The following CCDC90B variants were observed in gnomAD, a reference collection of about 807,000 sequenced individuals.
CCDC90B encodes coiled-coil domain containing 90B.
In CCDC90B, 24 loss-of-function variants were observed where a neutral mutation model predicts 37.0. The observed-to-expected ratio is 0.65, with a 90% confidence interval of 0.47 to 0.91. CCDC90B has a LOEUF of 0.91. Ranked by LOEUF, CCDC90B falls within the 40% of genes least tolerant of loss-of-function variation. The pLI, the probability that CCDC90B is intolerant of heterozygous loss-of-function variation, is 0.00. For synonymous variants in CCDC90B, 113 were observed against 101.1 expected (o/e 1.12, Z -0.71); for missense variants, 319 against 299.0 (o/e 1.07, Z -0.49).
intron 3 of CCDC90B, among the ~76,000 whole-genome samples, 192 bp downstream of exon 3, chr11:83,278,534 A>G (rs920133268): frequency 6.6e-6 from 1 of 152,262 alleles, no homozygotes; most frequent in African/African-American, 2.4e-5. Context: ...CTGTTACCAC[A>G]ATATTATTAC....
At position 83,260,221 on chromosome 11, in the gene CCDC90B, T is replaced by C. The variant is rs1339620985; in HGVS notation, c.*1690A>G. 1 of 152,190 alleles carries C rather than the reference T, an allele frequency of 6.6e-6. No individual in the cohort carries two copies. Among genetic ancestry groups the C allele is most frequent in the Non-Finnish European group, 1.5e-5 (1 of 68,036 alleles). 9.4% of individuals were successfully genotyped at this position (152,190 alleles called of 1,614,324 possible). A position where few individuals can be genotyped will look rare whatever the true frequency, so the allele number is the denominator to read the frequency against. On this transcript the variant is annotated 3_prime_UTR_variant, in exon 9 of 9. Coordinates refer to ENST00000529689, the MANE Select transcript of CCDC90B (RefSeq NM_021825.5). ...TTAACAAACCAATAATTTACTTGTT[T>C]ATGTCTCTCTCCTTAAGATTGTCAA...
chr11:83,265,718 CCTT>C, intron 8 of CCDC90B, 144 bp downstream of exon 8: 1 of 524,582 alleles, frequency 1.9e-6, no homozygotes, highest in East Asian at 3.2e-5. Flanking sequence ...GAGACTGGAA[CCTT>C]CTTTAAGCAC....
chr11:83,280,119 A>T lies in CCDC90B; in HGVS notation c.220+22T>A, dbSNP rs375397191. On this transcript the variant is annotated intron_variant, in intron 2 of 8. Transcript: ENST00000529689. Reference sequence around the variant, plus strand: ...TGAGTGCTATTAATTTTCTTCTTTCAGGAGGTATCCATGTTTCTCACCATG... The same window carrying T: ...TGAGTGCTATTAATTTTCTTCTTTCTGGAGGTATCCATGTTTCTCACCATG... 211 of 1,604,960 alleles carry T rather than the reference A, an allele frequency of 1.3e-4. 1 individual carries two copies. The African/African-American group carries it at 2.4e-3, about 18-fold the overall frequency.
chr11:83,263,471 T>C (rs1161176094), intron 8 of CCDC90B, among the ~76,000 whole-genome samples: 1 of 152,232 alleles, frequency 6.6e-6, no homozygotes, highest in East Asian at 1.9e-4. Flanking sequence ...TCTACATATA[T>C]GTAAAATGCT....
At position 83,259,278 on chromosome 11, in the gene CCDC90B, T is replaced by A. The variant is rs1430484449; in HGVS notation, c.*2633A>T. On this transcript the variant is annotated 3_prime_UTR_variant, in exon 9 of 9. Coordinates refer to ENST00000529689, the MANE Select transcript of CCDC90B (RefSeq NM_021825.5). ...ATATAGAAACACAATCCTCTCATCCTTATTTCATATATTTCCATCACTGAA... is the reference window on the plus strand; with the variant it reads ...ATATAGAAACACAATCCTCTCATCCATATTTCATATATTTCCATCACTGAA... 1 of 152,222 alleles carries A rather than the reference T, an allele frequency of 6.6e-6. No homozygotes were observed. The highest frequency in any genetic ancestry group is 2.4e-5 in the African/African-American group (1 of 41,466). The allele number at this position is 152,222 out of a possible 1,614,324, so 9.4% of individuals were successfully genotyped here.
At chr11:83,274,299 A>G (rs1245550530) in intron 4 of CCDC90B, 2 of 289,328 alleles carry the variant, frequency 6.9e-6, no homozygotes, top group African/African-American at 2.2e-5. Context: ...TTTAAGTCAC[A>G]AAGACATTTA....
intron 7 of CCDC90B, among the ~76,000 whole-genome samples, chr11:83,269,126 G>C (rs1322600453): frequency 6.6e-6 from 1 of 152,060 alleles, no homozygotes; most frequent in Non-Finnish European, 1.5e-5. Flanking sequence ...TGTGTAGAGG[G>C]AAATTTATAG....
intron 8 of CCDC90B, 63 bp from the exon 9 acceptor site, chr11:83,262,029 G>T: frequency 3.5e-6 from 4 of 1,141,790 alleles, no homozygotes; most frequent in African/African-American, 1.6e-5. Flanking sequence ...GAGATAAAGA[G>T]AATAATGTTA....
intron 1 of CCDC90B, 142 bp downstream of exon 1, chr11:83,285,731 A>C: frequency 2.8e-6 from 4 of 1,445,308 alleles, no homozygotes; most frequent in Non-Finnish European, 3.6e-6. Context: ...GGCAGCAGGC[A>C]GCGGCGTCGC....
rs373705649 is a variant in CCDC90B at position 83,283,537 on chromosome 11, T to C, written c.100+2336A>G. Reference sequence around the variant, plus strand: ...GGTAGGTATTGACACCCACTGGCAGTAGAACTTTGGGTTTCACTCCACTTT... The same window carrying C: ...GGTAGGTATTGACACCCACTGGCAGCAGAACTTTGGGTTTCACTCCACTTT... On this transcript the variant is annotated intron_variant, in intron 1 of 8. Transcript: ENST00000529689. Among the ~76,000 whole-genome samples, 37 of 152,336 alleles carry C rather than the reference T, an allele frequency of 2.4e-4. 1 individual carries two copies. The South Asian group carries it at 7.7e-3, about 32-fold the overall frequency.
chr11:83,264,443 G>A (rs1864124590), intron 8 of CCDC90B, among the ~76,000 whole-genome samples: 1 of 152,058 alleles, frequency 6.6e-6, no homozygotes, highest in South Asian at 2.1e-4. Flanking sequence ...CACTTTTTCG[G>A]CTTTTGAATT....
chr11:83,267,458 T>G (rs1463033634), intron 7 of CCDC90B: 1 of 152,088 alleles, frequency 6.6e-6, no homozygotes, highest in Non-Finnish European at 1.5e-5. Context: ...CACGAGAACT[T>G]CGTGATGCAT....
chr11:83,273,312 A>G (rs1450356377), intron 7 of CCDC90B: 1 of 158,870 alleles, frequency 6.3e-6, no homozygotes, highest in Admixed American at 6.6e-5. Context: ...CTGGTCTTGA[A>G]CTCCTGCCTC....
intron 3 of CCDC90B, among the ~76,000 whole-genome samples, chr11:83,277,941 T>C (rs1565217439): frequency 6.6e-6 from 1 of 152,116 alleles, no homozygotes; most frequent in Non-Finnish European, 1.5e-5. Flanking sequence ...ATTTGAAAAA[T>C]TAAAATGAAA....
At chr11:83,279,273 T>C (rs1325910119) in intron 2 of CCDC90B, among the ~76,000 whole-genome samples, 3 of 151,444 alleles carry the variant, frequency 2.0e-5, no homozygotes, top group Admixed American at 2.0e-4. Flanking sequence ...AGAGCGAGAC[T>C]CTGTCTCAAA....
Position 83,278,749 on chromosome 11 carries a change from C to G in CCDC90B, c.301G>C (p.Glu101Gln). The change falls in exon 3 of 9, where the codon GAG (glutamate) becomes CAG (glutamine). Residue 101 changes from glutamate to glutamine, a missense_variant. Transcript: ENST00000529689. Reference sequence around the variant, plus strand: ...ACCTGTTGAGCTTGAGTGACCATCTCTTTATAGATAGTATCCAGGCTGACA... The same window carrying G: ...ACCTGTTGAGCTTGAGTGACCATCTGTTTATAGATAGTATCCAGGCTGACA... ...SNVSLDTIYK[E>Q]MVTQAQQEIT... The G allele has an allele frequency of 6.2e-7, 1 of 1,610,312 alleles. No homozygotes were observed. Among genetic ancestry groups the G allele is most frequent in the South Asian group, 1.1e-5 (1 of 90,936 alleles).
intron 7 of CCDC90B, among the ~76,000 whole-genome samples, chr11:83,270,283 T>C (rs944528562): frequency 1.3e-5 from 2 of 152,166 alleles, no homozygotes; most frequent in Admixed American, 6.5e-5. Flanking sequence ...CCACTCAACA[T>C]AGTGTTGGAA....
Position 83,273,800 on chromosome 11 carries a change from G to T in CCDC90B, c.533C>A (p.Thr178Lys), listed in dbSNP as rs1359407866. 1 of 1,608,832 alleles carries T rather than the reference G, an allele frequency of 6.2e-7. No homozygotes were observed. The highest frequency in any genetic ancestry group is 1.3e-5 in the African/African-American group (1 of 74,790). Residue 178 changes from threonine (T) to lysine (K), a missense_variant, in exon 6 of 9, where the codon ACA becomes AAA. Thr to Lys is a moderately conservative substitution (Grantham distance 78, BLOSUM62 -1). Coordinates refer to ENST00000529689, the MANE Select transcript of CCDC90B (RefSeq NM_021825.5). ...LDINLERSRV[T>K]DMFTDQEKQL... ...CATTTAAAAGAACATTACCATATCT[G>T]TTACTCTGCTCCTTTCTAAGTTGAT...
intron 3 of CCDC90B, among the ~76,000 whole-genome samples, chr11:83,277,301 C>T (rs1193005763): frequency 6.6e-6 from 1 of 151,980 alleles, no homozygotes; most frequent in Non-Finnish European, 1.5e-5. Flanking sequence ...CAGGACAGCT[C>T]GGAGCTTAGG....
Sources: gnomAD v4.1 joint callset for allele counts (sites outside exome capture counted in the v4.1 genomes callset) on GRCh38, gnomAD v4.1.1 for gene constraint, MANE v1.5 for transcripts, NCBI Gene and HGNC (gene_info 2026-07-23, HGNC 2026-07-21) for gene names.